Variants in LYPD6 observed in about 807,000 individuals in gnomAD.
LYPD6 encodes ly6/PLAUR domain-containing protein 6.
A neutral mutation model predicts 22.7 loss-of-function variants in LYPD6; 15 were observed. That is an observed-to-expected ratio of 0.66 (90% CI 0.44 to 1.02). The LOEUF (loss-of-function observed/expected upper bound fraction) is 1.02. Among genes scored for constraint, LYPD6 ranks in the 50% least tolerant of loss-of-function variants. The probability of loss-of-function intolerance (pLI) is 0.00; values close to 1 mark genes in which losing one functional copy is unlikely to be tolerated. For synonymous variants in LYPD6, 72 were observed against 77.5 expected, an observed-to-expected ratio of 0.93 and a Z score of 0.37; for missense variants, 189 against 208.4, an observed-to-expected ratio of 0.91 and a Z score of 0.57.
At chr2:149,342,366 A>G (rs1479430802) in intron 1 of LYPD6, among the ~76,000 whole-genome samples, 2 of 152,194 alleles carry the variant, frequency 1.3e-5, no homozygotes, top group Non-Finnish European at 2.9e-5. Context: ...AAGGAAGAAA[A>G]TAATCATTCC....
chr2:149,398,445 GTGTA>G (rs1370635962), intron 1 of LYPD6, among the ~76,000 whole-genome samples: 8 of 132,784 alleles, frequency 6.0e-5, no homozygotes, highest in African/African-American at 8.0e-5. Context: ...GTGTGTGTGT[GTGTA>G]TGTGTATGTG....
At chr2:149,485,643 C>T in the LYPD6 span, among the ~76,000 whole-genome samples, 1 of 152,184 alleles carries the variant, frequency 6.6e-6, no homozygotes, top group Admixed American at 6.5e-5. Flanking sequence ...ACTTTGGATC[C>T]TGCCAGAGCC....
intron 1 of LYPD6, among the ~76,000 whole-genome samples, chr2:149,346,979 G>A (rs1196693): frequency 0.27 from 40,884 of 152,032 alleles, 7,371 homozygotes; most frequent in East Asian, 0.57. Context: ...AATTACAGGC[G>A]TGAGCCACTG....
chr2:149,361,055 A>T (rs967846203), intron 1 of LYPD6, among the ~76,000 whole-genome samples: 3 of 152,242 alleles, frequency 2.0e-5, no homozygotes, highest in African/African-American at 7.2e-5. Context: ...GATTAAGATG[A>T]GAAAAACAAG....
At chr2:149,447,539 T>C (rs114235878) in intron 2 of LYPD6, among the ~76,000 whole-genome samples, 3,356 of 152,298 alleles carry the variant, frequency 0.022, 59 homozygotes, top group Non-Finnish European at 0.033. Flanking sequence ...CACCTCTGCA[T>C]GGGCAGCATA....
At chr2:149,448,274 C>T (rs190533337) in intron 2 of LYPD6, among the ~76,000 whole-genome samples, 9 of 151,892 alleles carry the variant, frequency 5.9e-5, no homozygotes, top group African/African-American at 1.9e-4. Context: ...GTCTGGGCAA[C>T]GAGAGTGAAA....
At chr2:149,438,133 TC>T (rs1234230545) in intron 2 of LYPD6, among the ~76,000 whole-genome samples, 1 of 152,202 alleles carries the variant, frequency 6.6e-6, no homozygotes, top group African/African-American at 2.4e-5. Context: ...AACCACCATA[TC>T]CCAGAAGGAG....
intron 1 of LYPD6, among the ~76,000 whole-genome samples, chr2:149,425,936 C>T (rs1479441528): frequency 6.6e-6 from 1 of 152,220 alleles, no homozygotes; most frequent in East Asian, 1.9e-4. Flanking sequence ...AGGATACATA[C>T]TGTGTGTAGC....
chr2:149,469,304 T>G (rs1681278872), intron 4 of LYPD6, among the ~76,000 whole-genome samples: 1 of 152,178 alleles, frequency 6.6e-6, no homozygotes, highest in Non-Finnish European at 1.5e-5. Flanking sequence ...GAAGCCTGTA[T>G]ACGGAAACAC....
At chr2:149,362,159 C>T (rs1165272215) in intron 1 of LYPD6, among the ~76,000 whole-genome samples, 5 of 152,198 alleles carry the variant, frequency 3.3e-5, no homozygotes, top group Non-Finnish European at 4.4e-5. Context: ...GTGTAAGTTT[C>T]GAGCTACTAA....
chr2:149,478,642 G>A (rs920105817), downstream of LYPD6, among the ~76,000 whole-genome samples: 3 of 151,782 alleles, frequency 2.0e-5, no homozygotes, highest in Admixed American at 6.6e-5. Context: ...CAGACTGGTC[G>A]AAAACTCCTG....
At chr2:149,400,421 G>T (rs955866399) in intron 1 of LYPD6, among the ~76,000 whole-genome samples, 3 of 152,110 alleles carry the variant, frequency 2.0e-5, no homozygotes, top group African/African-American at 7.2e-5. Context: ...TGGGGGCAGG[G>T]TGTGTGTGTG....
intron 1 of LYPD6, among the ~76,000 whole-genome samples, chr2:149,340,925 G>A (rs568541003): frequency 3.3e-5 from 5 of 151,796 alleles, no homozygotes; most frequent in South Asian, 2.1e-4. Flanking sequence ...TCTTTGACTC[G>A]CCATGTGGAA....
chr2:149,460,411 A>G (rs1681063405), intron 3 of LYPD6, among the ~76,000 whole-genome samples: 1 of 152,166 alleles, frequency 6.6e-6, no homozygotes, highest in African/African-American at 2.4e-5. Flanking sequence ...GCATGATTAA[A>G]AAGAAGCCCA....
chr2:149,398,909 A>C (rs1341268039), intron 1 of LYPD6, among the ~76,000 whole-genome samples: 1 of 152,264 alleles, frequency 6.6e-6, no homozygotes, highest in Non-Finnish European at 1.5e-5. Context: ...AAAATGAGAC[A>C]TTCAATATAT....
At chr2:149,443,353 G>A (rs1377806676) in intron 2 of LYPD6, among the ~76,000 whole-genome samples, 1 of 152,190 alleles carries the variant, frequency 6.6e-6, no homozygotes. Flanking sequence ...TTTACTGGCT[G>A]CAGTGACAGA....
chr2:149,446,855 A>G (rs148953366), intron 2 of LYPD6, among the ~76,000 whole-genome samples: 15 of 152,292 alleles, frequency 9.8e-5, no homozygotes, highest in African/African-American at 3.1e-4. Flanking sequence ...TATTCTCGGC[A>G]AGGTGAAAAT....
intron 1 of LYPD6, among the ~76,000 whole-genome samples, chr2:149,427,823 C>T (rs949933325): frequency 7.2e-5 from 11 of 152,154 alleles, no homozygotes; most frequent in Non-Finnish European, 1.0e-4. Context: ...AGCGTATCCT[C>T]GTTGTTAAAT....
In LYPD6 at chr2:149,420,694, C is replaced by T. The variant is rs548426252; in HGVS notation, c.-71-16944C>T. On this transcript the variant is annotated intron_variant, in intron 1 of 4. Coordinates refer to ENST00000334166, the MANE Select transcript of LYPD6 (RefSeq NM_194317.5). ...CCATGGTAGTTTCATAGGTCAGGGC[C>T]TGCCTACTTCCTTTCCCCAAAGACT... Among the ~76,000 whole-genome samples the T allele has an allele frequency of 2.6e-5, 4 of 152,252 alleles. No individual in the cohort carries two copies. In the South Asian group the frequency reaches 6.2e-4, roughly 24 times the overall value.
Sources: gnomAD v4.1 joint callset for allele counts (sites outside exome capture counted in the v4.1 genomes callset) on GRCh38, gnomAD v4.1.1 for gene constraint, MANE v1.5 for transcripts, NCBI Gene and HGNC (gene_info 2026-07-23, HGNC 2026-07-21) for gene names.